The following FUT8 variants were observed in gnomAD, a reference collection of about 807,000 sequenced individuals.
The protein encoded by FUT8 is fucosyltransferase 8.
A neutral mutation model predicts 71.3 loss-of-function variants in FUT8; 29 were observed. The ratio of observed to expected loss-of-function variants is 0.41; its 90% CI spans 0.30 to 0.55. FUT8 has a LOEUF of 0.55. Among genes scored for constraint, FUT8 ranks in the 20% least tolerant of loss-of-function variants. FUT8 has a pLI of 0.34. For synonymous variants in FUT8, 254 were observed against 239.3 expected (o/e 1.06, Z -0.57); for missense variants, 544 against 702.1 (o/e 0.77, Z 2.55).
At chr14:65,722,057 G>A in intron 8 of FUT8, 36 bp downstream of exon 8, 1 of 1,607,682 alleles carries the variant, frequency 6.2e-7, no homozygotes, top group Non-Finnish European at 8.5e-7. Flanking sequence ...ACTGTGATAT[G>A]TAGTAGTTAG....
chr14:65,437,091 G>A (rs1415537425), intron 1 of FUT8, among the ~76,000 whole-genome samples: 2 of 152,230 alleles, frequency 1.3e-5, no homozygotes, highest in Non-Finnish European at 2.9e-5. Context: ...AGCAAAACAG[G>A]ATTGATAATC....
intron 1 of FUT8, among the ~76,000 whole-genome samples, chr14:65,446,987 A>G (rs1227645128): frequency 6.6e-6 from 1 of 152,096 alleles, no homozygotes; most frequent in African/African-American, 2.4e-5. Context: ...GTTTCTTTAA[A>G]TAAACATTCT....
chr14:65,656,231 ACT>A (rs962839157), intron 6 of FUT8, among the ~76,000 whole-genome samples: 2 of 152,170 alleles, frequency 1.3e-5, no homozygotes, highest in Non-Finnish European at 1.5e-5. Context: ...CAAAAAAAAA[ACT>A]ACTAGAACTG....
intron 2 of FUT8, among the ~76,000 whole-genome samples, chr14:65,542,642 G>A (rs1368141401): frequency 6.6e-6 from 1 of 152,116 alleles, no homozygotes; most frequent in East Asian, 1.9e-4. Flanking sequence ...CATGTTTACT[G>A]CACTTTTGAA....
chr14:65,415,117 G>C (rs754756971), intron 1 of FUT8, among the ~76,000 whole-genome samples: 3 of 152,134 alleles, frequency 2.0e-5, no homozygotes, highest in Non-Finnish European at 1.5e-5. Flanking sequence ...TTTGCCAGTG[G>C]ATTGGAAAAA....
At position 65,694,012 on chromosome 14, in the gene FUT8, C is replaced by T. The variant is rs537577992; in HGVS notation, c.835+24532C>T. On this transcript the variant is annotated intron_variant, in intron 7 of 10. Transcript: ENST00000673929. ...TAATATTCCTTTATTATCGTTTTAA[C>T]GTCCACGTGATTAGTTGTTGTGGCC... 1.1e-3 allele frequency among the ~76,000 whole-genome samples: 159 copies of T among 149,140 alleles called. 1 individual carries two copies. Among genetic ancestry groups the T allele is most frequent in the Middle Eastern group, 3.4e-3 (1 of 294 alleles).
intron 2 of FUT8, among the ~76,000 whole-genome samples, chr14:65,473,816 A>G (rs143111194): frequency 6.6e-6 from 1 of 152,318 alleles, no homozygotes; most frequent in East Asian, 1.9e-4. Context: ...AATCAGTATG[A>G]CTAGAGACTT....
intron 2 of FUT8, among the ~76,000 whole-genome samples, chr14:65,538,722 C>G (rs2139948501): frequency 6.6e-6 from 1 of 152,226 alleles, no homozygotes. Flanking sequence ...GAGTTCGAGA[C>G]CAGCCTGGCC....
intron 3 of FUT8, among the ~76,000 whole-genome samples, chr14:65,582,830 G>A (rs1887163430): frequency 1.3e-5 from 2 of 152,284 alleles, no homozygotes; most frequent in South Asian, 4.1e-4. Flanking sequence ...ATGAATGAAT[G>A]AGCCCAGTTG....
the FUT8 span, among the ~76,000 whole-genome samples, chr14:65,393,301 G>A: frequency 3.3e-5 from 5 of 152,180 alleles, no homozygotes; most frequent in African/African-American, 1.2e-4. Flanking sequence ...CAATACTAAA[G>A]GGAAGGGTGG....
At chr14:65,499,021 G>C (rs973266962) in intron 2 of FUT8, among the ~76,000 whole-genome samples, 2 of 152,184 alleles carry the variant, frequency 1.3e-5, no homozygotes, top group African/African-American at 4.8e-5. Context: ...GGGTAAGAAC[G>C]TGTCTCCCAA....
At chr14:65,365,672 ATGC>A in the FUT8 span, among the ~76,000 whole-genome samples, 1 of 152,126 alleles carries the variant, frequency 6.6e-6, no homozygotes, top group South Asian at 2.1e-4. Flanking sequence ...CAGTTTACAA[ATGC>A]CATGAAAATG....
rs1427074289 is a variant in FUT8, at chr14:65,627,699, AC to A, written c.483-1792del. On this transcript the variant is annotated intron_variant, in intron 5 of 10. Transcript: ENST00000673929. This position sits in a 1 kb window ranked among gnomAD's most constrained non-coding sequence, Gnocchi z 4.0. ...AGTGTTCCTAGAGGAAGGTCATATAACAGTTAAAGTCTGCCATTTTGCCTCT... is the reference window on the plus strand; with the variant it reads ...AGTGTTCCTAGAGGAAGGTCATATAAAGTTAAAGTCTGCCATTTTGCCTCT... 2.0e-5 allele frequency among the ~76,000 whole-genome samples: 3 copies of A among 152,168 alleles called. No individual in the cohort carries two copies. The highest frequency in any genetic ancestry group is 2.9e-5 in the Non-Finnish European group (2 of 68,044).
the FUT8 span, among the ~76,000 whole-genome samples, chr14:65,358,505 C>G: frequency 6.6e-6 from 1 of 151,836 alleles, no homozygotes; most frequent in African/African-American, 2.4e-5. Context: ...GATAGGGTCT[C>G]ACTTTGTTGC....
chr14:65,576,396 G>A (rs576347140), intron 3 of FUT8, among the ~76,000 whole-genome samples: 1 of 152,252 alleles, frequency 6.6e-6, no homozygotes, highest in South Asian at 2.1e-4. Context: ...TCATTATTAA[G>A]TCTTGTCTTT....
chr14:65,729,522 T>G (rs2139376568), intron 9 of FUT8, among the ~76,000 whole-genome samples: 1 of 129,350 alleles, frequency 7.7e-6, no homozygotes, highest in East Asian at 2.2e-4. Context: ...TGCAAGGATA[T>G]AAACTTTTTT....
intron 1 of FUT8, among the ~76,000 whole-genome samples, chr14:65,425,434 C>T (rs2065369426): frequency 6.9e-6 from 1 of 145,820 alleles, no homozygotes. Flanking sequence ...TCCCAAAGTG[C>T]TGGGATTACA....
intron 7 of FUT8, among the ~76,000 whole-genome samples, chr14:65,679,404 T>A (rs1892927668): frequency 1.3e-5 from 2 of 152,234 alleles, no homozygotes; most frequent in Admixed American, 1.3e-4. Flanking sequence ...ATTCAGAATA[T>A]GTTATCTACA....
At position 65,706,485 on chromosome 14, in the gene FUT8, A is replaced by C. The variant is rs114737948; in HGVS notation, c.836-15290A>C. ...AATGACCTTATAAAACAGGATTATT[A>C]ACCAGAGGAGTGTCAGTCCGTTTGG... On this transcript the variant is annotated intron_variant, in intron 7 of 10. Coordinates refer to ENST00000673929, the MANE Select transcript of FUT8 (RefSeq NM_001371533.1). 3.5e-3 allele frequency among the ~76,000 whole-genome samples: 533 copies of C among 152,320 alleles called. 2 individuals are homozygous for C. Among genetic ancestry groups the C allele is most frequent in the African/African-American group, 0.012 (505 of 41,570 alleles).
Sources: allele counts gnomAD v4.1 joint callset (sites outside exome capture counted in the v4.1 genomes callset), GRCh38; gene constraint gnomAD v4.1.1; non-coding constraint Gnocchi (gnomAD v3.1); transcripts MANE v1.5; gene names NCBI Gene and HGNC (gene_info 2026-07-23, HGNC 2026-07-21).